DSCAM: variants seen among roughly 807,000 people sequenced by gnomAD.
DSCAM encodes DS cell adhesion molecule, also known as cell adhesion molecule DSCAM.
A neutral mutation model predicts 217.7 loss-of-function variants in DSCAM; 47 were observed. The observed-to-expected ratio is 0.22, with a 90% CI of 0.17 to 0.28. The LOEUF (loss-of-function observed/expected upper bound fraction) is 0.28. Ranked by LOEUF, DSCAM falls within the 10% of genes least tolerant of loss-of-function variation. The probability of loss-of-function intolerance (pLI) is 1.00; values close to 1 mark genes in which losing one functional copy is unlikely to be tolerated. For missense variants in DSCAM, 2,080 were observed against 2,618.3 expected (o/e 0.79, Z 4.49); for synonymous variants, 1,056 against 1,015.3 (o/e 1.04, Z -0.76).
intron 11 of DSCAM, among the ~76,000 whole-genome samples, chr21:40,205,225 T>G (rs2091111469): frequency 6.6e-6 from 1 of 151,920 alleles, no homozygotes; most frequent in African/African-American, 2.4e-5. Flanking sequence ...GCTAGAAGAT[T>G]CAGCTCCAAG....
At position 40,353,719 on chromosome 21, in the gene DSCAM, A is replaced by G; in HGVS notation, c.680T>C (p.Ile227Thr). The G allele has an allele frequency of 1.9e-6, 3 of 1,579,726 alleles. No individual in the cohort carries two copies. Among genetic ancestry groups the G allele is most frequent in the Non-Finnish European group, 2.6e-6 (3 of 1,167,882 alleles). Reference sequence around the variant, plus strand: ...TTTGCGATGGTCAAACCCATCCAGTATGGATGGGGCTGAGTTCGCTGGGTC... The same window carrying G: ...TTTGCGATGGTCAAACCCATCCAGTGTGGATGGGGCTGAGTTCGCTGGGTC... ...VSDPANSAPS[I>T]LDGFDHRKAM... is the part of the protein sequence containing the mutation. The change falls in exon 5 of 33, where the codon ATA (isoleucine) becomes ACA (threonine). Residue 227 changes from isoleucine (I) to threonine (T), a missense_variant. Transcript: ENST00000400454.
chr21:40,166,675 A>G (rs1601402349), intron 16 of DSCAM, among the ~76,000 whole-genome samples: 1 of 152,216 alleles, frequency 6.6e-6, no homozygotes, highest in South Asian at 2.1e-4. Flanking sequence ...CACTAAAGTA[A>G]CCAGCAGCCA....
At chr21:40,455,532 T>C (rs1021085732) in intron 3 of DSCAM, among the ~76,000 whole-genome samples, 1 of 152,120 alleles carries the variant, frequency 6.6e-6, no homozygotes, top group Non-Finnish European at 1.5e-5. Flanking sequence ...TTTGGGAGGA[T>C]GAGGCTGGTG....
intron 14 of DSCAM, among the ~76,000 whole-genome samples, chr21:40,184,021 C>T (rs1340099634): frequency 6.6e-6 from 1 of 152,034 alleles, no homozygotes; most frequent in Non-Finnish European, 1.5e-5. Context: ...CACTATGGCC[C>T]ATAGGGGGAC....
At chr21:40,480,727 T>C (rs1227164496) in intron 3 of DSCAM, among the ~76,000 whole-genome samples, 1 of 152,204 alleles carries the variant, frequency 6.6e-6, no homozygotes, top group South Asian at 2.1e-4. Flanking sequence ...TGGTTTTGAG[T>C]GCAGAAAGTT....
At chr21:40,584,412 T>C (rs1238987086) in intron 3 of DSCAM, among the ~76,000 whole-genome samples, 1 of 152,202 alleles carries the variant, frequency 6.6e-6, no homozygotes, top group Non-Finnish European at 1.5e-5. Flanking sequence ...TGACAAGGAT[T>C]GAGATCAACT....
intron 5 of DSCAM, among the ~76,000 whole-genome samples, chr21:40,353,201 C>G (rs2074652385): frequency 6.6e-6 from 1 of 152,164 alleles, no homozygotes; most frequent in South Asian, 2.1e-4. Flanking sequence ...ATGTAATAGT[C>G]TGTGGCCTAA....
At chr21:40,544,553 C>T (rs550855774) in intron 3 of DSCAM, among the ~76,000 whole-genome samples, 8 of 152,206 alleles carry the variant, frequency 5.3e-5, no homozygotes, top group South Asian at 2.1e-4. Context: ...TCAAGTGATA[C>T]GGCCACAAGC....
At chr21:40,021,352 G>A (rs2088268650) in intron 32 of DSCAM, among the ~76,000 whole-genome samples, 1 of 152,084 alleles carries the variant, frequency 6.6e-6, no homozygotes, top group Non-Finnish European at 1.5e-5. Flanking sequence ...GGAGGAAGAG[G>A]GCACCAGAAA....
chr21:40,686,174 CAT>C (rs145287732), intron 3 of DSCAM, among the ~76,000 whole-genome samples: 36,875 of 150,482 alleles, frequency 0.25, 5,448 homozygotes, highest in Admixed American at 0.41. Flanking sequence ...CACACACACA[CAT>C]ACAGAGCACA....
At chr21:40,556,423 T>C (rs2076672344) in intron 3 of DSCAM, among the ~76,000 whole-genome samples, 1 of 152,212 alleles carries the variant, frequency 6.6e-6, no homozygotes, top group Non-Finnish European at 1.5e-5. Context: ...AAGAAAATTG[T>C]AAGGAAGAGA....
At chr21:40,340,597 A>G (rs556617470) in intron 6 of DSCAM, among the ~76,000 whole-genome samples, 11 of 152,178 alleles carry the variant, frequency 7.2e-5, no homozygotes, top group Non-Finnish European at 5.9e-5. Context: ...GAGTCTGGTA[A>G]GAGACCTTGC....
rs145138571 is a variant in DSCAM at position 40,756,728 on chromosome 21, T to C, written c.44-47957A>G. Among the ~76,000 whole-genome samples the C allele has an allele frequency of 6.9e-3, 1,049 of 152,158 alleles. 15 individuals carry two copies. The highest frequency in any genetic ancestry group is 0.024 in the African/African-American group (1,000 of 41,508). On this transcript the variant is annotated intron_variant, in intron 1 of 32. Transcript: ENST00000400454. Reference sequence around the variant, plus strand: ...TTATGGCAATGCAAGAATAGACAAATACACTGTACTAAACACTTCATATTT... The same window carrying C: ...TTATGGCAATGCAAGAATAGACAAACACACTGTACTAAACACTTCATATTT...
chr21:40,530,492 T>C (rs2076434700), intron 3 of DSCAM, among the ~76,000 whole-genome samples: 1 of 152,234 alleles, frequency 6.6e-6, no homozygotes, highest in Non-Finnish European at 1.5e-5. Flanking sequence ...TTCTGTGTCA[T>C]GATAAGACAA....
intron 3 of DSCAM, among the ~76,000 whole-genome samples, chr21:40,411,285 C>T (rs191858057): frequency 1.3e-4 from 20 of 150,688 alleles, no homozygotes; most frequent in Non-Finnish European, 1.8e-4. Flanking sequence ...GAATAAGCCA[C>T]GAATGGAGAC....
intron 26 of DSCAM, 143 bp from the exon 27 acceptor site, chr21:40,075,356 C>G: frequency 1.1e-6 from 1 of 871,032 alleles, no homozygotes; most frequent in Non-Finnish European, 1.7e-6. Context: ...TGTCTCTAGG[C>G]CCTGGCTAAC....
chr21:40,562,853 A>G (rs1262540243), intron 3 of DSCAM, among the ~76,000 whole-genome samples: 1 of 152,218 alleles, frequency 6.6e-6, no homozygotes, highest in South Asian at 2.1e-4. Context: ...TGCCCTAGAA[A>G]AAGGACCAGA....
intron 3 of DSCAM, among the ~76,000 whole-genome samples, chr21:40,494,780 A>C (rs934200345): frequency 6.6e-6 from 1 of 152,042 alleles, no homozygotes; most frequent in Non-Finnish European, 1.5e-5. Context: ...CAAATAAAAT[A>C]GAACTAGAAA....
Position 40,150,550 on chromosome 21 carries a change from T to C in DSCAM, c.3019-5819A>G, listed in dbSNP as rs11909138. 1.5e-3 allele frequency among the ~76,000 whole-genome samples: 228 copies of C among 152,332 alleles called. 2 individuals carry two copies. Among genetic ancestry groups the C allele is most frequent in the African/African-American group, 5.3e-3 (221 of 41,590 alleles). ...TGTATATTAAGTGTAAGAAATGTTA[T>C]GGCCTGTGGTTCAGGTTTTCGAAAA... On this transcript the variant is annotated intron_variant, in intron 16 of 32. Transcript: ENST00000400454.
Sources: gnomAD v4.1 joint callset for allele counts (sites outside exome capture counted in the v4.1 genomes callset) on GRCh38, gnomAD v4.1.1 for gene constraint, MANE v1.5 for transcripts, NCBI Gene and HGNC (gene_info 2026-07-23, HGNC 2026-07-21) for gene names.